KSR2: variants seen among roughly 807,000 people sequenced by gnomAD.
The protein encoded by KSR2 is kinase suppressor of ras 2.
Under a neutral mutation model 107.8 loss-of-function variants are expected in KSR2, and 25 were observed. The observed-to-expected ratio is 0.23, with a 90% CI of 0.17 to 0.32. The LOEUF is 0.32. Among genes scored for constraint, KSR2 ranks in the 10% least tolerant of loss-of-function variants. KSR2 has a pLI of 1.00. For missense variants in KSR2, 887 were observed against 1,268.9 expected (o/e 0.70, Z 4.57); for synonymous variants, 480 against 507.0 (o/e 0.95, Z 0.71).
intron 2 of KSR2, among the ~76,000 whole-genome samples, chr12:117,856,987 T>C (rs1893125604): frequency 6.6e-6 from 1 of 152,140 alleles, no homozygotes; most frequent in Admixed American, 6.5e-5. Context: ...CTTAGAGGCT[T>C]TCTCAAATAG....
At chr12:117,513,693 A>G (rs1230707812) in intron 14 of KSR2, among the ~76,000 whole-genome samples, 3 of 152,332 alleles carry the variant, frequency 2.0e-5, no homozygotes, top group African/African-American at 7.2e-5. Context: ...TCCGTGGGAC[A>G]TAAGAAAGTG....
At chr12:117,574,782 T>C (rs952820215) in intron 7 of KSR2, among the ~76,000 whole-genome samples, 1 of 151,270 alleles carries the variant, frequency 6.6e-6, no homozygotes, top group African/African-American at 2.4e-5. Context: ...AGGTGTCAGG[T>C]GACGCTGATG....
At position 117,465,814 on chromosome 12, in the gene KSR2, GT is replaced by G. The variant is rs1415199523; in HGVS notation, c.*1384del. Reference sequence around the variant, plus strand: ...GGGACAGATTTCCCTTTTGTATCAGGTCACATGCAGGGGGTCAGGGCTTTGA... The same window carrying G: ...GGGACAGATTTCCCTTTTGTATCAGGCACATGCAGGGGGTCAGGGCTTTGA... On this transcript the variant is annotated 3_prime_UTR_variant, in exon 20 of 20. Transcript: ENST00000339824. 1 of 131,496 alleles carries G rather than the reference GT, an allele frequency of 7.6e-6. No individual in the cohort carries two copies. Among genetic ancestry groups the G allele is most frequent in the African/African-American group, 2.5e-5 (1 of 39,556 alleles). 8.1% of individuals were successfully genotyped at this position (131,496 alleles called of 1,614,324 possible). A position where few individuals can be genotyped will look rare whatever the true frequency, so the allele number is the denominator to read the frequency against.
At position 117,907,358 on chromosome 12, in the gene KSR2, A is replaced by G. The variant is rs1351089992; in HGVS notation, c.181-46927T>C. On this transcript the variant is annotated intron_variant, in intron 1 of 19. Transcript: ENST00000339824. The surrounding 1 kb of genome is among the most constrained non-coding windows in gnomAD (Gnocchi z 4.3). ...CTTTGAGCCAGGATTTATAAAGCTC[A>G]AGGAAATGAGTCCTCCATCCTGTGA... Among the ~76,000 whole-genome samples the G allele has an allele frequency of 2.0e-5, 3 of 152,120 alleles. No homozygotes were observed. The highest frequency in any genetic ancestry group is 7.2e-5 in the African/African-American group (3 of 41,416).
chr12:117,925,385 A>G (rs1360571812), intron 1 of KSR2, among the ~76,000 whole-genome samples: 1 of 152,138 alleles, frequency 6.6e-6, no homozygotes, highest in Non-Finnish European at 1.5e-5. Context: ...CAGCCTCCCA[A>G]ACTGCTGAGA....
chr12:117,876,483 A>T (rs1471199504), intron 1 of KSR2, among the ~76,000 whole-genome samples: 3 of 152,156 alleles, frequency 2.0e-5, no homozygotes, highest in African/African-American at 7.2e-5. Flanking sequence ...CCGCTGTCTC[A>T]CTATTGCTGA....
chr12:117,896,012 C>G (rs1894499264), intron 1 of KSR2, among the ~76,000 whole-genome samples: 1 of 152,134 alleles, frequency 6.6e-6, no homozygotes, highest in African/African-American at 2.4e-5. Flanking sequence ...TGAGCCAAGA[C>G]CATGCCACTG....
intron 14 of KSR2, among the ~76,000 whole-genome samples, chr12:117,512,140 A>G (rs1048684796): frequency 6.6e-6 from 1 of 152,234 alleles, no homozygotes; most frequent in African/African-American, 2.4e-5. Flanking sequence ...GAATAAAGGA[A>G]GTCTGCATGC....
Position 117,831,674 on chromosome 12 carries a change from G to A in KSR2, c.472+23754C>T, listed in dbSNP as rs548061141. ...CACAGCAACTCCATGCAAGACATTG[G>A]ACTTTGTATATTTGATTTCACTTAA... On this transcript the variant is annotated intron_variant, in intron 3 of 19. Transcript: ENST00000339824. Among the ~76,000 whole-genome samples the A allele has an allele frequency of 5.3e-5, 8 of 152,274 alleles. 1 individual carries two copies. In the East Asian group the frequency reaches 1.5e-3, roughly 29 times the overall value.
At chr12:117,580,861 G>A (rs759823958) in intron 6 of KSR2, among the ~76,000 whole-genome samples, 2 of 151,982 alleles carry the variant, frequency 1.3e-5, no homozygotes, top group African/African-American at 4.8e-5. Flanking sequence ...ACCCAGGGGT[G>A]TGGCCGAGCC....
Position 117,525,025 on chromosome 12 carries a change from G to A in KSR2, c.2046C>T (p.His682=), listed in dbSNP as rs540286777. 4.1e-5 allele frequency: 66 copies of A among 1,613,958 alleles called. No homozygotes were observed. Among genetic ancestry groups the A allele is most frequent in the African/African-American group, 1.5e-4 (11 of 75,050 alleles). Residue 682 remains histidine, a synonymous_variant, in exon 14 of 20, where the codon CAC becomes CAT. Coordinates refer to ENST00000339824, the MANE Select transcript of KSR2 (RefSeq NM_173598.6). ...TGGCCACCTCGCCATGCCAGCGGCCGTGGTACACTTGCCCAAAGCGGCCCT... is the reference window on the plus strand; with the variant it reads ...TGGCCACCTCGCCATGCCAGCGGCCATGGTACACTTGCCCAAAGCGGCCCT... The part of the protein sequence containing the change: ...IGKGRFGQVY[H]GRWHGEVAIR...
chr12:117,941,052 G>A (rs901510599), intron 1 of KSR2, among the ~76,000 whole-genome samples: 1 of 151,996 alleles, frequency 6.6e-6, no homozygotes, highest in Admixed American at 6.6e-5. Context: ...GCCACTGCAT[G>A]CCAACCTGGG....
At chr12:117,613,852 C>T (rs1881732952) in intron 5 of KSR2, among the ~76,000 whole-genome samples, 1 of 152,142 alleles carries the variant, frequency 6.6e-6, no homozygotes. Context: ...GCACGGTTTT[C>T]CCTGCTTCTC....
At chr12:117,702,486 A>C (rs1013627839) in intron 4 of KSR2, among the ~76,000 whole-genome samples, 1 of 152,196 alleles carries the variant, frequency 6.6e-6, no homozygotes, top group African/African-American at 2.4e-5. Context: ...CCAAATATCA[A>C]ACAGATCCAT....
intron 1 of KSR2, among the ~76,000 whole-genome samples, chr12:117,939,908 T>C (rs1449327465): frequency 6.7e-6 from 1 of 149,496 alleles, no homozygotes; most frequent in East Asian, 2.0e-4. Context: ...GCCACTGCAC[T>C]CCAGCCTGGG....
chr12:117,568,874 T>A (rs963695401), intron 7 of KSR2, among the ~76,000 whole-genome samples: 26 of 152,314 alleles, frequency 1.7e-4, no homozygotes, highest in African/African-American at 6.3e-4. Context: ...ATTATAATTA[T>A]TGCAAAAACT....
At chr12:117,898,716 T>C (rs114889279) in intron 1 of KSR2, among the ~76,000 whole-genome samples, 2,454 of 151,854 alleles carry the variant, frequency 0.016, 57 homozygotes, top group African/African-American at 0.055. Context: ...GAAAATATGG[T>C]ATGGATACAC....
chr12:117,869,238 G>A (rs1893575549), intron 1 of KSR2, among the ~76,000 whole-genome samples: 1 of 152,096 alleles, frequency 6.6e-6, no homozygotes, highest in African/African-American at 2.4e-5. Flanking sequence ...TGGGTGTGGT[G>A]GCGGGCGCCT....
intron 4 of KSR2, among the ~76,000 whole-genome samples, chr12:117,707,737 G>A (rs546643499): frequency 3.3e-5 from 5 of 152,338 alleles, no homozygotes; most frequent in African/African-American, 1.2e-4. Context: ...GACACGGAGA[G>A]TCATCTAGAC....
Sources: allele counts gnomAD v4.1 joint callset (sites outside exome capture counted in the v4.1 genomes callset), GRCh38; gene constraint gnomAD v4.1.1; non-coding constraint Gnocchi (gnomAD v3.1); transcripts MANE v1.5; gene names NCBI Gene and HGNC (gene_info 2026-07-23, HGNC 2026-07-21).